MRTFA: variants seen among roughly 807,000 people sequenced by gnomAD.
MRTFA encodes myocardin related transcription factor A.
MRTFA carries 20 observed loss-of-function variants against 83.5 expected under a neutral mutation model. The ratio of observed to expected loss-of-function variants is 0.24; its 90% confidence interval spans 0.17 to 0.35. The LOEUF is 0.35. Ranked by LOEUF, MRTFA falls within the 10% of genes least tolerant of loss-of-function variation. The pLI is 1.00. For synonymous variants in MRTFA, 659 were observed against 541.2 expected (o/e 1.22, Z -3.02); for missense variants, 1,200 against 1,224.7 (o/e 0.98, Z 0.30).
At chr22:40,497,383 G>A (rs2054373510) in intron 3 of MRTFA, among the ~76,000 whole-genome samples, 1 of 152,180 alleles carries the variant, frequency 6.6e-6, no homozygotes, top group African/African-American at 2.4e-5. Context: ...AATAGAGAAA[G>A]GTCATTTGGA....
At chr22:40,593,298 G>A (rs565129342) in intron 2 of MRTFA, among the ~76,000 whole-genome samples, 2 of 152,206 alleles carry the variant, frequency 1.3e-5, no homozygotes, top group Admixed American at 1.3e-4. Flanking sequence ...AAGACACTGA[G>A]TCACAATATT....
chr22:40,585,992 T>A (rs544009178), intron 2 of MRTFA, among the ~76,000 whole-genome samples: 26 of 152,336 alleles, frequency 1.7e-4, no homozygotes, highest in African/African-American at 6.3e-4. Flanking sequence ...AGGGTAAGTA[T>A]TATTTCATGA....
chr22:40,551,555 A>G (rs990072741), intron 3 of MRTFA, among the ~76,000 whole-genome samples: 1 of 152,124 alleles, frequency 6.6e-6, no homozygotes, highest in Non-Finnish European at 1.5e-5. Flanking sequence ...TTTAGCACAG[A>G]CAGGGTTTCA....
At chr22:40,502,726 G>C (rs866842143) in intron 3 of MRTFA, among the ~76,000 whole-genome samples, 3 of 151,506 alleles carry the variant, frequency 2.0e-5, no homozygotes, top group African/African-American at 4.9e-5. Context: ...CTCGGGCCCC[G>C]CGGGGCCCGT....
At chr22:40,588,615 C>T (rs2056068607) in intron 2 of MRTFA, among the ~76,000 whole-genome samples, 1 of 152,156 alleles carries the variant, frequency 6.6e-6, no homozygotes, top group Admixed American at 6.5e-5. Flanking sequence ...GAACTGTGGC[C>T]TCCAATTCAG....
chr22:40,571,529 A>G (rs2055792770), intron 2 of MRTFA, among the ~76,000 whole-genome samples: 1 of 152,208 alleles, frequency 6.6e-6, no homozygotes, highest in South Asian at 2.1e-4. Context: ...CAAATCATAC[A>G]ACTGATAAGT....
Position 40,485,428 on chromosome 22 carries a change from A to T in MRTFA, c.242-22142T>A, listed in dbSNP as rs2147192086. Among the ~76,000 whole-genome samples the T allele has an allele frequency of 2.6e-5, 4 of 152,278 alleles. No individual in the cohort carries two copies. In the Middle Eastern group the frequency reaches 0.01, roughly 388 times the overall value. ...TGTGGCAACAGCTGGGGATCATTAAACTGACAGAAATAGCTTAGGAGACTC... is the reference window on the plus strand; with the variant it reads ...TGTGGCAACAGCTGGGGATCATTAATCTGACAGAAATAGCTTAGGAGACTC... On this transcript the variant is annotated intron_variant, in intron 3 of 14. Coordinates refer to ENST00000355630, the MANE Select transcript of MRTFA (RefSeq NM_020831.6).
intron 2 of MRTFA, among the ~76,000 whole-genome samples, chr22:40,574,701 T>C (rs747507771): frequency 6.6e-6 from 1 of 151,952 alleles, no homozygotes; most frequent in Non-Finnish European, 1.5e-5. Context: ...CCCAAAGTGC[T>C]GGGATTATAG....
At chr22:40,560,734 G>A (rs2055600974) in intron 2 of MRTFA, among the ~76,000 whole-genome samples, 1 of 152,106 alleles carries the variant, frequency 6.6e-6, no homozygotes, top group South Asian at 2.1e-4. Flanking sequence ...AAACAGCATG[G>A]GGGCAGGGTC....
At chr22:40,537,739 C>T (rs2055208303) in intron 3 of MRTFA, among the ~76,000 whole-genome samples, 1 of 24,886 alleles carries the variant, frequency 4.0e-5, no homozygotes, top group South Asian at 9.1e-4. Flanking sequence ...CCCCCCCACC[C>T]GGCCAGTCAC....
intron 1 of MRTFA, among the ~76,000 whole-genome samples, chr22:40,636,032 T>C (rs375763913): frequency 4.6e-5 from 7 of 152,212 alleles, no homozygotes; most frequent in Admixed American, 3.3e-4. Context: ...AGGTTTGCTA[T>C]ACTGGCACCA....
rs757522554 is a variant in MRTFA, at chr22:40,419,089, G to C, written c.1649C>G (p.Thr550Arg). 1.2e-6 allele frequency: 2 copies of C among 1,600,148 alleles called. No homozygotes were observed. The highest frequency in any genetic ancestry group is 3.4e-5 in the Admixed American group (2 of 58,372). Residue 550 changes from threonine to arginine, a missense_variant, in exon 12 of 15, where the codon ACG becomes AGG. Coordinates refer to ENST00000355630, the MANE Select transcript of MRTFA (RefSeq NM_020831.6). ...CGAGGGGGTGGGAGACACGGGGGGC[G>C]TGGAGCCCGTGCTGCCAAACTTCAC...
intron 4 of MRTFA, among the ~76,000 whole-genome samples, chr22:40,458,325 T>C (rs965209262): frequency 1.3e-5 from 2 of 152,230 alleles, no homozygotes; most frequent in African/African-American, 4.8e-5. Context: ...TTCTGTTTAA[T>C]AGCACATCAG....
At chr22:40,505,620 G>T (rs537706087) in intron 3 of MRTFA, among the ~76,000 whole-genome samples, 1 of 152,342 alleles carries the variant, frequency 6.6e-6, no homozygotes, top group Non-Finnish European at 1.5e-5. Context: ...TTTAAAAGAT[G>T]ATTAGGCTAT....
chr22:40,445,069 A>C (rs1252573283), intron 4 of MRTFA, among the ~76,000 whole-genome samples: 1 of 152,150 alleles, frequency 6.6e-6, no homozygotes, highest in Admixed American at 6.6e-5. Context: ...CCTGTCTCAA[A>C]TAAATAAATA....
At chr22:40,457,458 G>C (rs2053609536) in intron 4 of MRTFA, among the ~76,000 whole-genome samples, 2 of 142,866 alleles carry the variant, frequency 1.4e-5, no homozygotes, top group Admixed American at 6.9e-5. Context: ...AAGAAAGAAA[G>C]AAAGAAAGAA....
chr22:40,540,199 A>C (rs951370750), intron 3 of MRTFA, among the ~76,000 whole-genome samples: 1 of 152,160 alleles, frequency 6.6e-6, no homozygotes. Flanking sequence ...GATGTAAGCC[A>C]CCACACCCAG....
chr22:40,563,169 C>A (rs1234096168), intron 2 of MRTFA, among the ~76,000 whole-genome samples: 1 of 152,138 alleles, frequency 6.6e-6, no homozygotes, highest in Non-Finnish European at 1.5e-5. Flanking sequence ...ATCACTGGTA[C>A]CAGTTATGCG....
At chr22:40,539,905 CTTTTTTTTTT>C (rs367760561) in intron 3 of MRTFA, among the ~76,000 whole-genome samples, 1 of 127,344 alleles carries the variant, frequency 7.9e-6, no homozygotes, top group South Asian at 2.5e-4. Context: ...TCACGGTTAT[CTTTTTTTTTT>C]TTTTTTTTTT....
Sources: allele counts gnomAD v4.1 joint callset (sites outside exome capture counted in the v4.1 genomes callset), GRCh38; gene constraint gnomAD v4.1.1; transcripts MANE v1.5; gene names NCBI Gene and HGNC (gene_info 2026-07-23, HGNC 2026-07-21).